Variants in OPCML observed in about 807,000 individuals in gnomAD.
OPCML encodes the protein opioid-binding protein/cell adhesion molecule.
OPCML carries 13 observed loss-of-function variants against 37.8 expected under a neutral mutation model. That is an observed-to-expected ratio of 0.34 (90% CI 0.22 to 0.55). The LOEUF (loss-of-function observed/expected upper bound fraction) is 0.55. Among genes scored for constraint, OPCML ranks in the 20% least tolerant of loss-of-function variants. The pLI, the probability that OPCML is intolerant of heterozygous loss-of-function variation, is 0.91. For synonymous variants in OPCML, 176 were observed against 168.8 expected (o/e 1.04, Z -0.33); for missense variants, 341 against 435.6 (o/e 0.78, Z 1.93).
intron 2 of OPCML, among the ~76,000 whole-genome samples, chr11:132,837,745 A>G (rs1014549806): frequency 6.6e-6 from 1 of 152,196 alleles, no homozygotes; most frequent in Non-Finnish European, 1.5e-5. Context: ...GAAGACAAGT[A>G]GGCGTCCATG....
chr11:133,052,649 C>G (rs1007758165), intron 1 of OPCML, among the ~76,000 whole-genome samples: 4 of 152,184 alleles, frequency 2.6e-5, no homozygotes, highest in Admixed American at 1.3e-4. Flanking sequence ...GTGGGCCAGT[C>G]CCTTTGAGAA....
intron 1 of OPCML, among the ~76,000 whole-genome samples, chr11:133,073,031 C>A (rs943918744): frequency 1.3e-5 from 2 of 152,166 alleles, no homozygotes; most frequent in African/African-American, 4.8e-5. Context: ...GAGTGAGTCA[C>A]CATAGCGAAG....
chr11:132,956,960 A>G (rs1356474074), intron 1 of OPCML, among the ~76,000 whole-genome samples: 1 of 152,172 alleles, frequency 6.6e-6, no homozygotes. Context: ...GCAAGATCCT[A>G]TCTCTACGAA....
chr11:133,041,034 A>C (rs945620336), intron 1 of OPCML, among the ~76,000 whole-genome samples: 1 of 152,210 alleles, frequency 6.6e-6, no homozygotes, highest in Non-Finnish European at 1.5e-5. Context: ...AGTTAGCTGG[A>C]AAAAACTTTA....
chr11:133,316,405 A>C (rs1376679266), intron 1 of OPCML, among the ~76,000 whole-genome samples: 1 of 152,176 alleles, frequency 6.6e-6, no homozygotes, highest in African/African-American at 2.4e-5. Context: ...ACATGTCCTC[A>C]CTCATAAGTG....
chr11:133,218,200 G>C (rs1373241032), intron 1 of OPCML, among the ~76,000 whole-genome samples: 1 of 152,092 alleles, frequency 6.6e-6, no homozygotes, highest in Non-Finnish European at 1.5e-5. Flanking sequence ...TCCAGGCTTG[G>C]TGTAATCCAA....
At chr11:132,746,178 G>A (rs3016390) in intron 2 of OPCML, among the ~76,000 whole-genome samples, 60,143 of 151,678 alleles carry the variant, frequency 0.4, 12,160 homozygotes, top group African/African-American at 0.46. Context: ...GACAAGGAGA[G>A]AAGTGATGTT....
chr11:132,968,192 T>G (rs914559339), intron 1 of OPCML, among the ~76,000 whole-genome samples: 1 of 152,242 alleles, frequency 6.6e-6, no homozygotes, highest in African/African-American at 2.4e-5. Context: ...ACTTGCTCAT[T>G]ACTGGTATAT....
At chr11:133,456,763 G>A (rs1946679683) in intron 1 of OPCML, among the ~76,000 whole-genome samples, 3 of 149,792 alleles carry the variant, frequency 2.0e-5, no homozygotes, top group African/African-American at 7.5e-5. Context: ...TCTGCAGCGT[G>A]GCTGTCCCAA....
chr11:133,152,394 C>T (rs1325594404), intron 1 of OPCML, among the ~76,000 whole-genome samples: 1 of 152,150 alleles, frequency 6.6e-6, no homozygotes, highest in Non-Finnish European at 1.5e-5. Context: ...TTTAAGAACT[C>T]GGAGTTTCCT....
intron 1 of OPCML, among the ~76,000 whole-genome samples, chr11:132,957,678 C>T (rs1385898877): frequency 6.9e-6 from 1 of 144,572 alleles, no homozygotes; most frequent in Non-Finnish European, 1.5e-5. Flanking sequence ...CATGTACTCA[C>T]TCTGTCTCTG....
chr11:133,029,863 T>TA (rs5795813), intron 1 of OPCML, among the ~76,000 whole-genome samples: 135,566 of 151,618 alleles, frequency 0.89, 61,084 homozygotes, highest in Non-Finnish European at 0.96. Flanking sequence ...ATCTAAAATT[T>TA]AAAAAAAAAT....
chr11:132,754,311 G>A (rs116854823), intron 2 of OPCML, among the ~76,000 whole-genome samples: 1,591 of 152,256 alleles, frequency 0.01, 12 homozygotes, highest in Middle Eastern at 0.031. Context: ...ATTGAATCAT[G>A]GGGATAAGTC....
chr11:132,818,340 C>T (rs1457244766), intron 2 of OPCML, among the ~76,000 whole-genome samples: 1 of 151,974 alleles, frequency 6.6e-6, no homozygotes, highest in African/African-American at 2.4e-5. Context: ...ACATTTAAAT[C>T]AGTGGGCTTT....
At chr11:133,221,888 C>T (rs1283061928) in intron 1 of OPCML, among the ~76,000 whole-genome samples, 2 of 152,106 alleles carry the variant, frequency 1.3e-5, no homozygotes, top group African/African-American at 4.8e-5. Flanking sequence ...AGAGCAGACA[C>T]CAAGGATCAG....
chr11:132,492,875 G>C (rs1375769872), intron 4 of OPCML, among the ~76,000 whole-genome samples: 2 of 152,122 alleles, frequency 1.3e-5, no homozygotes, highest in South Asian at 4.1e-4. Context: ...ATAAATGAAC[G>C]CTTCAGTAGA....
intron 2 of OPCML, among the ~76,000 whole-genome samples, chr11:132,719,226 G>T (rs11223187): frequency 0.23 from 34,896 of 152,084 alleles, 4,606 homozygotes; most frequent in South Asian, 0.31. Context: ...CCGCGTTTTC[G>T]TTTGGGGAGA....
At chr11:133,221,623 C>G (rs1383065767) in intron 1 of OPCML, among the ~76,000 whole-genome samples, 1 of 152,176 alleles carries the variant, frequency 6.6e-6, no homozygotes, top group Admixed American at 6.5e-5. Context: ...GGCAGTGTCT[C>G]TGAACAGGAA....
intron 2 of OPCML, among the ~76,000 whole-genome samples, chr11:132,797,972 T>C (rs1202137345): frequency 2.0e-5 from 3 of 152,212 alleles, no homozygotes; most frequent in African/African-American, 7.2e-5. Context: ...CTCTCTAGCA[T>C]GGGATGCTGT....
Sources: gnomAD v4.1 joint callset for allele counts (sites outside exome capture counted in the v4.1 genomes callset) on GRCh38, gnomAD v4.1.1 for gene constraint, MANE v1.5 for transcripts, NCBI Gene and HGNC (gene_info 2026-07-23, HGNC 2026-07-21) for gene names.